SAE1: variants seen among roughly 807,000 people sequenced by gnomAD.
SAE1 encodes SUMO-activating enzyme subunit 1.
Under a neutral mutation model 40.6 loss-of-function variants are expected in SAE1, and 11 were observed. That is an observed-to-expected ratio of 0.27 (90% CI 0.17 to 0.45). The LOEUF (loss-of-function observed/expected upper bound fraction) is 0.45. Among genes scored for constraint, SAE1 ranks in the 20% least tolerant of loss-of-function variants. The pLI is 1.00. For synonymous variants in SAE1, 155 were observed against 154.3 expected (o/e 1.00, Z -0.03); for missense variants, 373 against 427.3 (o/e 0.87, Z 1.12).
In SAE1 at chr19:47,181,586, C is replaced by T. The variant is rs143334468; in HGVS notation, c.733+11663C>T. Among the ~76,000 whole-genome samples the T allele has an allele frequency of 1.8e-3, 255 of 141,558 alleles. 1 individual carries two copies. Among genetic ancestry groups the T allele is most frequent in the African/African-American group, 6.0e-3 (230 of 38,426 alleles). 92.9% of individuals were successfully genotyped at this position (141,558 alleles called of 152,430 possible). On this transcript the variant is annotated intron_variant, in intron 6 of 8. Coordinates refer to ENST00000270225, the MANE Select transcript of SAE1 (RefSeq NM_005500.3). ...CTCCACCTCATAGGTTTACGCCATT[C>T]TCCTGCCTCCCCCTCCCAGGTAGCT...
At chr19:47,182,548 G>C (rs2058516464) in intron 6 of SAE1, among the ~76,000 whole-genome samples, 1 of 151,786 alleles carries the variant, frequency 6.6e-6, no homozygotes, top group African/African-American at 2.4e-5. Flanking sequence ...GGTAGAGAAT[G>C]CAGACCACAG....
chr19:47,173,805 G>C (rs1047379343), intron 6 of SAE1, among the ~76,000 whole-genome samples: 1 of 140,616 alleles, frequency 7.1e-6, no homozygotes, highest in Non-Finnish European at 1.5e-5. Flanking sequence ...TTTTTTTTGA[G>C]ACGGAGTCTC....
chr19:47,163,114 T>C (rs1600172780), intron 5 of SAE1, among the ~76,000 whole-genome samples: 1 of 152,264 alleles, frequency 6.6e-6, no homozygotes, highest in African/African-American at 2.4e-5. Context: ...TCAGTATTTT[T>C]CTATGTATAT....
intron 6 of SAE1, among the ~76,000 whole-genome samples, chr19:47,193,218 C>T (rs1025871340): frequency 5.9e-5 from 9 of 151,758 alleles, no homozygotes; most frequent in African/African-American, 9.7e-5. Flanking sequence ...CCACCATGCA[C>T]GGCTAATTTT....
chr19:47,148,986 T>G (rs1216776599), intron 2 of SAE1, among the ~76,000 whole-genome samples: 1 of 149,540 alleles, frequency 6.7e-6, no homozygotes, highest in Non-Finnish European at 1.5e-5. Context: ...ACAAGTTTGA[T>G]TTTTTTTTTA....
chr19:47,182,764 C>T (rs1039997908), intron 6 of SAE1, among the ~76,000 whole-genome samples: 1 of 152,056 alleles, frequency 6.6e-6, no homozygotes, highest in Non-Finnish European at 1.5e-5. Flanking sequence ...TAGATGAAGG[C>T]CTGGCACACA....
At chr19:47,199,568 T>C (rs2058639426) in intron 7 of SAE1, among the ~76,000 whole-genome samples, 1 of 152,002 alleles carries the variant, frequency 6.6e-6, no homozygotes, top group Non-Finnish European at 1.5e-5. Flanking sequence ...AGCAGGGCCT[T>C]CAACTCTGCT....
intron 6 of SAE1, among the ~76,000 whole-genome samples, chr19:47,187,727 G>C (rs2058552479): frequency 6.6e-6 from 1 of 152,092 alleles, no homozygotes; most frequent in African/African-American, 2.4e-5. Flanking sequence ...TCACCATGTT[G>C]GCCAGGCTGG....
chr19:47,165,658 C>T (rs1159934821), intron 5 of SAE1, among the ~76,000 whole-genome samples: 1 of 152,148 alleles, frequency 6.6e-6, no homozygotes. Flanking sequence ...TCTTTATAAG[C>T]GTAATGCCAG....
intron 6 of SAE1, among the ~76,000 whole-genome samples, chr19:47,195,740 T>C (rs1307830335): frequency 3.9e-4 from 55 of 139,752 alleles, no homozygotes; most frequent in East Asian, 1.2e-3. Flanking sequence ...TTTCTTCTTT[T>C]TTTTTTTTTT....
At chr19:47,186,711 G>T (rs753932878) in intron 6 of SAE1, among the ~76,000 whole-genome samples, 10 of 152,164 alleles carry the variant, frequency 6.6e-5, no homozygotes, top group Non-Finnish European at 1.2e-4. Context: ...AAATAGCGAG[G>T]CACAGCTTCT....
intron 7 of SAE1, among the ~76,000 whole-genome samples, chr19:47,199,893 C>T (rs1275124649): frequency 2.0e-5 from 3 of 151,810 alleles, no homozygotes; most frequent in Non-Finnish European, 4.4e-5. Flanking sequence ...GCTGATGTTA[C>T]AAAGGCACCT....
chr19:47,207,442 C>T (rs1406482559), intron 8 of SAE1, among the ~76,000 whole-genome samples: 1 of 152,092 alleles, frequency 6.6e-6, no homozygotes, highest in African/African-American at 2.4e-5. Flanking sequence ...TAAACCCTGC[C>T]CTGGCAGCTT....
intron 8 of SAE1, among the ~76,000 whole-genome samples, chr19:47,204,647 C>G (rs1319646971): frequency 6.6e-6 from 1 of 151,606 alleles, no homozygotes; most frequent in African/African-American, 2.4e-5. Flanking sequence ...GCTGAGAGTA[C>G]AGGTTCCCAC....
intron 1 of SAE1, among the ~76,000 whole-genome samples, chr19:47,136,700 G>T (rs1205006587): frequency 6.6e-6 from 1 of 152,090 alleles, no homozygotes; most frequent in Admixed American, 6.6e-5. Context: ...CTCCATGTTG[G>T]TCAGGCTGTG....
chr19:47,152,593 A>G (rs1264563156), intron 3 of SAE1, among the ~76,000 whole-genome samples: 1 of 152,188 alleles, frequency 6.6e-6, no homozygotes, highest in Non-Finnish European at 1.5e-5. Context: ...TTTTATGAGA[A>G]CTATGAAATG....
At chr19:47,199,413 A>T (rs1259569697) in intron 7 of SAE1, among the ~76,000 whole-genome samples, 1 of 146,198 alleles carries the variant, frequency 6.8e-6, no homozygotes, top group Non-Finnish European at 1.5e-5. Flanking sequence ...AAAAAAAAAA[A>T]GGCAGCAATA....
chr19:47,205,044 A>G (rs2058678623), intron 8 of SAE1, among the ~76,000 whole-genome samples: 2 of 152,190 alleles, frequency 1.3e-5, no homozygotes, highest in African/African-American at 2.4e-5. Context: ...CCCCAAATAT[A>G]TTGTACATTC....
At chr19:47,139,841 T>C (rs2058207862) in intron 1 of SAE1, among the ~76,000 whole-genome samples, 1 of 150,700 alleles carries the variant, frequency 6.6e-6, no homozygotes, top group Non-Finnish European at 1.5e-5. Context: ...GACCTCGTGA[T>C]CTGCCCGCCT....
Sources: allele counts gnomAD v4.1 joint callset (sites outside exome capture counted in the v4.1 genomes callset), GRCh38; gene constraint gnomAD v4.1.1; transcripts MANE v1.5; gene names NCBI Gene and HGNC (gene_info 2026-07-23, HGNC 2026-07-21).